GABRB1: variants seen among roughly 807,000 people sequenced by gnomAD.
GABRB1 encodes gamma-aminobutyric acid receptor subunit beta-1.
A neutral mutation model predicts 51.6 loss-of-function variants in GABRB1; 17 were observed. That is an observed-to-expected ratio of 0.33 (90% CI 0.23 to 0.49). GABRB1 has a LOEUF of 0.49. GABRB1 is among the 20% of genes least tolerant of loss of function. The pLI, the probability that GABRB1 is intolerant of heterozygous loss-of-function variation, is 0.99. For missense variants in GABRB1, 410 were observed against 600.6 expected (o/e 0.68, Z 3.32); for synonymous variants, 247 against 218.9 (o/e 1.13, Z -1.14).
In GABRB1 at chr4:47,426,428, C is replaced by CCAAA. The variant is rs1729300270; in HGVS notation, c.*410_*411insCAAA. 1.2e-5 allele frequency: 1 copy of CCAAA among 84,828 alleles called. No homozygotes were observed. The highest frequency in any genetic ancestry group is 3.6e-5 in the African/African-American group (1 of 27,650). The allele number at this position is 84,828 out of a possible 1,614,324, so 5.3% of individuals were successfully genotyped here. ...GTAAACTATAACAAACTTATGCTGC[C>CCAAA]AAAAAAAAAAAAAAAAAAACATAAA... On this transcript the variant is annotated 3_prime_UTR_variant, in exon 9 of 9. Transcript: ENST00000295454.
At chr4:47,265,548 T>C (rs574559235) in intron 4 of GABRB1, among the ~76,000 whole-genome samples, 10 of 152,308 alleles carry the variant, frequency 6.6e-5, no homozygotes, top group South Asian at 2.1e-4. Context: ...TACTAGTTTA[T>C]ATGCCCACCA....
At chr4:47,228,484 A>G (rs543193805) in intron 4 of GABRB1, among the ~76,000 whole-genome samples, 6 of 152,108 alleles carry the variant, frequency 3.9e-5, no homozygotes, top group Admixed American at 3.9e-4. Flanking sequence ...GAAATGCAAG[A>G]TGTAATAATC....
intron 1 of GABRB1, among the ~76,000 whole-genome samples, chr4:47,020,671 T>C (rs562418267): frequency 6.6e-6 from 1 of 152,266 alleles, no homozygotes; most frequent in East Asian, 1.9e-4. Flanking sequence ...ATATCTGCAA[T>C]ATGACCACTT....
chr4:47,174,764 G>C (rs970161858), intron 4 of GABRB1, among the ~76,000 whole-genome samples: 2 of 152,006 alleles, frequency 1.3e-5, no homozygotes, highest in Admixed American at 6.6e-5. Context: ...GTCATTCTTA[G>C]GATTTTTGCT....
intron 5 of GABRB1, among the ~76,000 whole-genome samples, chr4:47,392,975 T>G: frequency 6.6e-6 from 1 of 152,226 alleles, no homozygotes; most frequent in Admixed American, 6.5e-5. Context: ...TCTCCCAGAT[T>G]CTCTTGAAAC....
intron 1 of GABRB1, among the ~76,000 whole-genome samples, chr4:47,004,332 C>T (rs1303096407): frequency 2.6e-5 from 4 of 152,026 alleles, no homozygotes; most frequent in Admixed American, 2.0e-4. Flanking sequence ...TAATTTTTCC[C>T]AGTGGTTACA....
At chr4:47,308,443 A>G (rs531056256) in intron 4 of GABRB1, among the ~76,000 whole-genome samples, 1 of 152,132 alleles carries the variant, frequency 6.6e-6, no homozygotes, top group South Asian at 2.1e-4. Flanking sequence ...AATTTTGCAC[A>G]ATTTATTCTT....
At chr4:47,166,241 C>T (rs944462339) in intron 4 of GABRB1, among the ~76,000 whole-genome samples, 3 of 151,988 alleles carry the variant, frequency 2.0e-5, no homozygotes, top group South Asian at 2.1e-4. Flanking sequence ...GGATGAACTG[C>T]GTAAGTCCAT....
chr4:47,090,348 ATTT>A (rs1728243158), intron 3 of GABRB1, among the ~76,000 whole-genome samples: 1 of 152,340 alleles, frequency 6.6e-6, no homozygotes, highest in Admixed American at 6.5e-5. Context: ...ATACGAAGAC[ATTT>A]TATAGGGTTG....
intron 4 of GABRB1, among the ~76,000 whole-genome samples, chr4:47,264,476 C>T (rs1160355507): frequency 6.6e-6 from 1 of 152,196 alleles, no homozygotes; most frequent in Non-Finnish European, 1.5e-5. Context: ...GTTCACAGAC[C>T]ACTGGCATCC....
intron 4 of GABRB1, among the ~76,000 whole-genome samples, chr4:47,244,526 G>A (rs955561900): frequency 3.3e-5 from 5 of 152,026 alleles, no homozygotes; most frequent in Admixed American, 3.3e-4. Flanking sequence ...ACTTTTTTTG[G>A]TTGGTAGGCT....
At chr4:47,242,060 C>T (rs144460815) in intron 4 of GABRB1, among the ~76,000 whole-genome samples, 1,990 of 152,020 alleles carry the variant, frequency 0.013, 44 homozygotes, top group African/African-American at 0.046. Context: ...CGACAGGCCC[C>T]GGTGTGTGAT....
chr4:47,392,527 G>C (rs1728034821), intron 5 of GABRB1, among the ~76,000 whole-genome samples: 1 of 152,034 alleles, frequency 6.6e-6, no homozygotes, highest in Non-Finnish European at 1.5e-5. Context: ...ATTTTTAGTA[G>C]AGACAGGGTT....
intron 5 of GABRB1, among the ~76,000 whole-genome samples, chr4:47,358,267 A>G (rs964991031): frequency 6.6e-6 from 1 of 152,102 alleles, no homozygotes; most frequent in South Asian, 2.1e-4. Context: ...CTCCATAGGA[A>G]CAGAACCAGT....
At chr4:47,133,628 G>A (rs1327010959) in intron 3 of GABRB1, among the ~76,000 whole-genome samples, 1 of 152,182 alleles carries the variant, frequency 6.6e-6, no homozygotes, top group Non-Finnish European at 1.5e-5. Flanking sequence ...TTAAGAGACA[G>A]GCAAGCTATT....
intron 3 of GABRB1, among the ~76,000 whole-genome samples, chr4:47,108,688 G>C (rs188078865): frequency 6.6e-6 from 1 of 151,898 alleles, no homozygotes; most frequent in Non-Finnish European, 1.5e-5. Flanking sequence ...GCTTTTATGA[G>C]GAGCATCTTT....
intron 4 of GABRB1, among the ~76,000 whole-genome samples, chr4:47,216,248 T>C (rs980150059): frequency 2.0e-5 from 3 of 151,942 alleles, no homozygotes; most frequent in Admixed American, 2.0e-4. Flanking sequence ...CTGATAATAC[T>C]GTATATTTTT....
intron 5 of GABRB1, among the ~76,000 whole-genome samples, chr4:47,346,418 C>T (rs981856723): frequency 6.6e-6 from 1 of 150,704 alleles, no homozygotes; most frequent in Non-Finnish European, 1.5e-5. Flanking sequence ...TTATGATGAA[C>T]CTGGATTGAA....
intron 1 of GABRB1, among the ~76,000 whole-genome samples, chr4:47,011,036 G>C (rs1724567264): frequency 6.6e-6 from 1 of 152,018 alleles, no homozygotes; most frequent in Non-Finnish European, 1.5e-5. Context: ...TAAAACATTA[G>C]AGAGTTAACA....
Sources: gnomAD v4.1 joint callset for allele counts (sites outside exome capture counted in the v4.1 genomes callset) on GRCh38, gnomAD v4.1.1 for gene constraint, MANE v1.5 for transcripts, NCBI Gene and HGNC (gene_info 2026-07-23, HGNC 2026-07-21) for gene names.